The following EYS variants were observed in gnomAD, a reference collection of about 807,000 sequenced individuals.
EYS encodes protein eyes shut homolog.
Under a neutral mutation model 282.1 loss-of-function variants are expected in EYS, and 250 were observed. The observed-to-expected ratio is 0.89, with a 90% CI of 0.80 to 0.98. The LOEUF is 0.98. EYS is among the 50% of genes least tolerant of loss of function. EYS has a pLI of 0.00. For missense variants in EYS, 4,016 were observed against 3,709.0 expected (o/e 1.08, Z -2.15); for synonymous variants, 1,355 against 1,282.9 (o/e 1.06, Z -1.20).
At chr6:65,573,202 C>CT (rs1764538667) in intron 2 of EYS, among the ~76,000 whole-genome samples, 1 of 152,080 alleles carries the variant, frequency 6.6e-6, no homozygotes, top group African/African-American at 2.4e-5. Context: ...CCAGAGAGGG[C>CT]TCAAGAGCTC....
chr6:64,200,292 CT>C (rs1765424244), intron 31 of EYS, among the ~76,000 whole-genome samples: 1 of 151,900 alleles, frequency 6.6e-6, no homozygotes, highest in African/African-American at 2.4e-5. Flanking sequence ...AGCTACAGAA[CT>C]TTACAACATA....
intron 29 of EYS, among the ~76,000 whole-genome samples, chr6:64,346,100 G>T (rs980524058): frequency 1.6e-4 from 24 of 152,058 alleles, no homozygotes; most frequent in African/African-American, 5.3e-4. Flanking sequence ...GTACACTGTT[G>T]GTGGGACTGT....
intron 30 of EYS, among the ~76,000 whole-genome samples, chr6:64,246,929 T>C (rs530320932): frequency 6.6e-6 from 1 of 152,318 alleles, no homozygotes; most frequent in East Asian, 1.9e-4. Context: ...TATTTTTGAC[T>C]AATGCTATAT....
At chr6:65,200,473 G>A (rs1291874560) in intron 12 of EYS, among the ~76,000 whole-genome samples, 1 of 151,436 alleles carries the variant, frequency 6.6e-6, no homozygotes, top group African/African-American at 2.4e-5. Flanking sequence ...ACTCTGAGGG[G>A]TGGGGGCTTT....
intron 22 of EYS, among the ~76,000 whole-genome samples, chr6:64,751,546 G>C (rs551817461): frequency 6.6e-6 from 1 of 152,278 alleles, no homozygotes; most frequent in East Asian, 1.9e-4. Context: ...CCCCACTCTG[G>C]GGCTGAGCAC....
chr6:64,559,270 CATGT>C (rs903245660), intron 26 of EYS, among the ~76,000 whole-genome samples: 1 of 81,932 alleles, frequency 1.2e-5, no homozygotes, highest in Non-Finnish European at 2.6e-5. Context: ...TGTGTGTGTG[CATGT>C]GTGTGTGTGT....
intron 14 of EYS, among the ~76,000 whole-genome samples, chr6:64,956,426 G>A (rs982688889): frequency 6.6e-6 from 1 of 152,158 alleles, no homozygotes; most frequent in East Asian, 1.9e-4. Context: ...CTCTCATCAT[G>A]TACAAAAGTC....
At position 65,413,684 on chromosome 6, in the gene EYS, C is replaced by T. The variant is rs1433302356; in HGVS notation, c.863-8317G>A. Reference sequence around the variant, plus strand: ...ACCAGCCTGGCCAATATGGTGAAACCCGTCTCTACTAAAATACAAAAATTA... The same window carrying T: ...ACCAGCCTGGCCAATATGGTGAAACTCGTCTCTACTAAAATACAAAAATTA... On this transcript the variant is annotated intron_variant, in intron 5 of 42. Coordinates refer to ENST00000503581, the MANE Select transcript of EYS (RefSeq NM_001142800.2). Among the ~76,000 whole-genome samples the T allele has an allele frequency of 2.0e-5, 3 of 151,958 alleles. No homozygotes were observed. In the East Asian group the frequency reaches 5.8e-4, roughly 29 times the overall value.
intron 33 of EYS, among the ~76,000 whole-genome samples, chr6:64,052,198 T>TA (rs1770830811): frequency 6.6e-6 from 1 of 152,166 alleles, no homozygotes; most frequent in Admixed American, 6.6e-5. Flanking sequence ...GTGGATCAGT[T>TA]AGAGTCATCA....
intron 29 of EYS, among the ~76,000 whole-genome samples, chr6:64,372,145 T>C (rs1052615722): frequency 8.7e-4 from 26 of 29,862 alleles, no homozygotes; most frequent in Admixed American, 3.9e-3. Context: ...TTTTTTTTTT[T>C]TTTTTTTTTT....
At chr6:65,458,948 A>G (rs529412230) in intron 5 of EYS, among the ~76,000 whole-genome samples, 1 of 152,254 alleles carries the variant, frequency 6.6e-6, no homozygotes, top group South Asian at 2.1e-4. Context: ...ACTTATTGTC[A>G]CAACTTTGTA....
At position 65,550,343 on chromosome 6, in the gene EYS, T is replaced by A. The variant is rs1484602001; in HGVS notation, c.-332-54350A>T. ...TCTGAGAGTTGTTTTTTATTTATTTTTTTTTTTATTATACTCTAAGTTTTA... is the reference window on the plus strand; with the variant it reads ...TCTGAGAGTTGTTTTTTATTTATTTATTTTTTTATTATACTCTAAGTTTTA... On this transcript the variant is annotated intron_variant, in intron 2 of 42. Transcript: ENST00000503581. Among the ~76,000 whole-genome samples the A allele has an allele frequency of 1.1e-3, 36 of 32,554 alleles. 9 individuals are homozygous for A. The highest frequency in any genetic ancestry group is 3.0e-3 in the South Asian group (2 of 674). The allele number at this position is 32,554 out of a possible 152,430, so 21.4% of individuals were successfully genotyped here.
intron 35 of EYS, among the ~76,000 whole-genome samples, chr6:63,950,764 T>C (rs1409441658): frequency 6.6e-6 from 1 of 152,110 alleles, no homozygotes; most frequent in Non-Finnish European, 1.5e-5. Context: ...TTTACTCTCT[T>C]CTCCAACCTC....
chr6:64,220,703 T>C (rs1052537810), intron 31 of EYS, among the ~76,000 whole-genome samples: 2 of 152,194 alleles, frequency 1.3e-5, no homozygotes, highest in Non-Finnish European at 2.9e-5. Flanking sequence ...AGTTCCCTTC[T>C]GCAAACATCT....
At chr6:64,261,813 G>C (rs1767599416) in intron 30 of EYS, among the ~76,000 whole-genome samples, 2 of 150,132 alleles carry the variant, frequency 1.3e-5, no homozygotes, top group Admixed American at 1.3e-4. Flanking sequence ...TTTCTGGAGT[G>C]TAGTTGCATC....
chr6:64,028,099 G>A (rs1769624011), intron 33 of EYS, among the ~76,000 whole-genome samples: 1 of 152,158 alleles, frequency 6.6e-6, no homozygotes. Context: ...CCCTTATTAG[G>A]GAGGGATATA....
At chr6:65,088,264 G>A (rs1774445241) in intron 12 of EYS, among the ~76,000 whole-genome samples, 1 of 152,154 alleles carries the variant, frequency 6.6e-6, no homozygotes, top group Admixed American at 6.5e-5. Flanking sequence ...CTTTGGAACT[G>A]GGCAATAGGA....
At chr6:63,944,778 A>G (rs2149760361) in intron 35 of EYS, among the ~76,000 whole-genome samples, 1 of 151,854 alleles carries the variant, frequency 6.6e-6, no homozygotes, top group South Asian at 2.1e-4. Flanking sequence ...AAATAAAAAT[A>G]AAAAAAATAG....
At chr6:63,752,160 C>T (rs1262404631) in intron 41 of EYS, among the ~76,000 whole-genome samples, 1 of 152,080 alleles carries the variant, frequency 6.6e-6, no homozygotes, top group East Asian at 1.9e-4. Context: ...TCCTTTCAAT[C>T]AATAACTAGG....
Sources: allele counts gnomAD v4.1 joint callset (sites outside exome capture counted in the v4.1 genomes callset), GRCh38; gene constraint gnomAD v4.1.1; transcripts MANE v1.5; gene names NCBI Gene and HGNC (gene_info 2026-07-23, HGNC 2026-07-21).